The following PIWIL2 variants were observed in gnomAD, a reference collection of about 807,000 sequenced individuals.
PIWIL2 encodes the protein piwi-like protein 2.
Under a neutral mutation model 116.5 loss-of-function variants are expected in PIWIL2, and 81 were observed. The observed-to-expected ratio is 0.70, with a 90% CI of 0.58 to 0.84. PIWIL2 has a LOEUF of 0.84. Ranked by LOEUF, PIWIL2 falls within the 40% of genes least tolerant of loss-of-function variation. The probability of loss-of-function intolerance (pLI) is 0.00; values close to 1 mark genes in which losing one functional copy is unlikely to be tolerated. For missense variants in PIWIL2, 1,272 were observed against 1,212.3 expected (o/e 1.05, Z -0.73); for synonymous variants, 489 against 429.5 (o/e 1.14, Z -1.71).
At chr8:22,325,167 G>T (rs1831693646) in intron 20 of PIWIL2, among the ~76,000 whole-genome samples, 1 of 152,132 alleles carries the variant, frequency 6.6e-6, no homozygotes, top group Non-Finnish European at 1.5e-5. Context: ...ACCACATCCT[G>T]CCCCCAGGGA....
chr8:22,353,540 C>T (rs550554980), intron 21 of PIWIL2, among the ~76,000 whole-genome samples: 20 of 151,908 alleles, frequency 1.3e-4, no homozygotes, highest in Non-Finnish European at 2.2e-4. Context: ...GCCAGCTACT[C>T]GGGAGGCTGA....
chr8:22,335,665 G>A (rs928815416), intron 20 of PIWIL2, among the ~76,000 whole-genome samples: 4 of 150,512 alleles, frequency 2.7e-5, no homozygotes, highest in African/African-American at 4.9e-5. Context: ...CTGCTGCCTC[G>A]GCCTCCCGAA....
intron 20 of PIWIL2, among the ~76,000 whole-genome samples, chr8:22,333,349 C>T (rs184675045): frequency 1.3e-4 from 20 of 152,104 alleles, no homozygotes; most frequent in Non-Finnish European, 2.8e-4. Context: ...CAGTGGCTCA[C>T]GCCTGTAATC....
At chr8:22,282,074 CTTTTTTTTTTT>C (rs397963368) in intron 4 of PIWIL2, among the ~76,000 whole-genome samples, 3 of 88,820 alleles carry the variant, frequency 3.4e-5, no homozygotes, top group South Asian at 4.1e-4. Context: ...TGTGCGTGGA[CTTTTTTTTTTT>C]TTTTTTTTTT....
chr8:22,352,661 C>T, intron 20 of PIWIL2: 1 of 299,396 alleles, frequency 3.3e-6, no homozygotes, highest in Non-Finnish European at 6.2e-6. Flanking sequence ...TCCCAGCATT[C>T]CTTTGAACTT....
chr8:22,324,616 A>T (rs1413537302), intron 20 of PIWIL2, among the ~76,000 whole-genome samples: 1 of 152,204 alleles, frequency 6.6e-6, no homozygotes, highest in Non-Finnish European at 1.5e-5. Context: ...ATGAAGGTTT[A>T]AAAGTATAGT....
At chr8:22,335,594 C>G (rs1831963080) in intron 20 of PIWIL2, among the ~76,000 whole-genome samples, 1 of 133,640 alleles carries the variant, frequency 7.5e-6, no homozygotes, top group Non-Finnish European at 1.5e-5. Context: ...GTTGCTCAGG[C>G]TGGAGTGCAG....
intron 10 of PIWIL2, among the ~76,000 whole-genome samples, chr8:22,294,499 G>A (rs1830841609): frequency 6.6e-6 from 1 of 151,134 alleles, no homozygotes; most frequent in Non-Finnish European, 1.5e-5. Context: ...AAATTAGCCG[G>A]GCGTGATGGC....
rs978193218 is a variant in PIWIL2 at position 22,291,894 on chromosome 8, A to G, written c.1181+1548A>G. Among the ~76,000 whole-genome samples, 4 of 152,332 alleles carry G rather than the reference A, an allele frequency of 2.6e-5. No individual in the cohort carries two copies. In the South Asian group the frequency reaches 8.3e-4, roughly 32 times the overall value. On this transcript the variant is annotated intron_variant, in intron 10 of 22. Transcript: ENST00000356766. ...TAAATTGTATAGTGTAATAAAAGCG[A>G]TAAGAGCCATGGAAAAAAGAAAAAG...
chr8:22,293,433 G>A (rs1171387518), intron 10 of PIWIL2, among the ~76,000 whole-genome samples: 2 of 151,996 alleles, frequency 1.3e-5, no homozygotes, highest in Non-Finnish European at 2.9e-5. Context: ...TCCACCTTCC[G>A]GGTTCAAGTG....
intron 20 of PIWIL2, among the ~76,000 whole-genome samples, chr8:22,333,370 G>T (rs1349054807): frequency 6.6e-6 from 1 of 152,114 alleles, no homozygotes; most frequent in Non-Finnish European, 1.5e-5. Context: ...CCAGCACTTT[G>T]GGAGGCTGAG....
chr8:22,341,682 C>T (rs1462724147), intron 20 of PIWIL2, among the ~76,000 whole-genome samples: 6 of 151,248 alleles, frequency 4.0e-5, no homozygotes, highest in South Asian at 2.1e-4. Context: ...AAAAAAGCTA[C>T]AGCTAACATA....
At chr8:22,304,710 G>A (rs1831133473) in intron 11 of PIWIL2, 74 bp from the exon 12 acceptor site, 2 of 842,012 alleles carry the variant, frequency 2.4e-6, no homozygotes, top group Non-Finnish European at 4.1e-6. Context: ...TCCTGGTTAA[G>A]AGACTCAGAC....
At chr8:22,284,588 T>C (rs1328542670) in intron 6 of PIWIL2, among the ~76,000 whole-genome samples, 1 of 152,174 alleles carries the variant, frequency 6.6e-6, no homozygotes, top group Non-Finnish European at 1.5e-5. Context: ...CCATGATCTT[T>C]TAACTTATTT....
chr8:22,302,068 T>C (rs970448206), intron 10 of PIWIL2, among the ~76,000 whole-genome samples: 1 of 152,208 alleles, frequency 6.6e-6, no homozygotes, highest in Non-Finnish European at 1.5e-5. Flanking sequence ...TCTCTTGTGC[T>C]TTCTTCTTTG....
rs766347708 is a variant in PIWIL2 at position 22,290,328 on chromosome 8, A to G, written c.1163A>G (p.Asp388Gly). 2 of 1,604,790 alleles carry G rather than the reference A, an allele frequency of 1.2e-6. No homozygotes were observed. Among genetic ancestry groups the G allele is most frequent in the South Asian group, 1.1e-5 (1 of 90,730 alleles). ...ADVSHKVIRN[D>G]CVLDVMHAIY... The stretch of plus-strand genomic sequence containing the variant: ...GTCTCCCATAAGGTCATTCGGAATG[A>G]CTGTGTGCTGGATGTCATGTGAGTG... The change falls in exon 10 of 23, where the codon GAC becomes GGC. Residue 388 changes from aspartate (D) to glycine (G), a missense_variant. Transcript: ENST00000356766.
At chr8:22,295,337 C>CG in intron 10 of PIWIL2, among the ~76,000 whole-genome samples, 1 of 150,020 alleles carries the variant, frequency 6.7e-6, no homozygotes, top group South Asian at 2.1e-4. Flanking sequence ...CTATGCTCAG[C>CG]TTTTTTTTTT....
At chr8:22,351,541 T>G (rs1358648842) in intron 20 of PIWIL2, among the ~76,000 whole-genome samples, 2 of 144,470 alleles carry the variant, frequency 1.4e-5, no homozygotes, top group African/African-American at 5.0e-5. Context: ...TTTTTGTTTT[T>G]TTGTTTTTTG....
intron 2 of PIWIL2, among the ~76,000 whole-genome samples, chr8:22,280,387 T>A (rs1830472902): frequency 6.6e-6 from 1 of 152,222 alleles, no homozygotes; most frequent in South Asian, 2.1e-4. Context: ...CTTAAACTTT[T>A]AATTATAAAG....
Sources: gnomAD v4.1 joint callset for allele counts (sites outside exome capture counted in the v4.1 genomes callset) on GRCh38, gnomAD v4.1.1 for gene constraint, MANE v1.5 for transcripts, NCBI Gene and HGNC (gene_info 2026-07-23, HGNC 2026-07-21) for gene names.